Variants in TRPM3 observed in about 807,000 individuals in gnomAD.
TRPM3 encodes the protein transient receptor potential cation channel subfamily M member 3.
In TRPM3, 77 loss-of-function variants were observed where a neutral mutation model predicts 181.2. The observed-to-expected ratio is 0.42, with a 90% confidence interval of 0.35 to 0.51. TRPM3 has a LOEUF of 0.51. Among genes scored for constraint, TRPM3 ranks in the 20% least tolerant of loss-of-function variants. TRPM3 has a pLI of 0.01. For synonymous variants in TRPM3, 745 were observed against 796.4 expected (o/e 0.94, Z 1.09); for missense variants, 1,759 against 2,196.7 (o/e 0.80, Z 3.98).
intron 6 of TRPM3, among the ~76,000 whole-genome samples, chr9:70,794,511 C>T (rs1012426896): frequency 6.6e-6 from 1 of 152,086 alleles, no homozygotes; most frequent in Admixed American, 6.5e-5. Flanking sequence ...GGCTTTGCCC[C>T]TCACCACTCC....
At chr9:71,425,326 T>C (rs948942145) in intron 1 of TRPM3, among the ~76,000 whole-genome samples, 1 of 152,080 alleles carries the variant, frequency 6.6e-6, no homozygotes, top group Non-Finnish European at 1.5e-5. Context: ...GTTGCCACCA[T>C]CTCAAAATCA....
chr9:70,658,227 T>C (rs987206053), intron 9 of TRPM3, among the ~76,000 whole-genome samples: 1 of 152,320 alleles, frequency 6.6e-6, no homozygotes, highest in Admixed American at 6.5e-5. Context: ...CTGTTCTTTT[T>C]TGAAATCCTT....
chr9:71,333,968 C>T lies in TRPM3; in HGVS notation c.183+112685G>A, dbSNP rs141971069. On this transcript the variant is annotated intron_variant, in intron 1 of 24. Coordinates refer to the TRPM3 transcript ENST00000357533. ...CTGAAGGTTAAAGGGAATTGCAAAG[C>T]TCCAATTTTCCATTGGTATGCTAAT... Among the ~76,000 whole-genome samples the T allele has an allele frequency of 7.2e-4, 109 of 151,930 alleles. 1 individual carries two copies. The highest frequency in any genetic ancestry group is 2.6e-3 in the African/African-American group (108 of 41,442).
chr9:70,911,701 TA>T (rs1214751219), intron 1 of TRPM3, among the ~76,000 whole-genome samples: 1 of 152,204 alleles, frequency 6.6e-6, no homozygotes, highest in Non-Finnish European at 1.5e-5. Flanking sequence ...ACTCATTATC[TA>T]AAGGTCACCT....
intron 1 of TRPM3, among the ~76,000 whole-genome samples, chr9:71,394,925 T>C (rs2093154533): frequency 6.6e-6 from 1 of 152,320 alleles, no homozygotes; most frequent in Admixed American, 6.5e-5. Context: ...GTCCCAGACA[T>C]GGCTCCCAAC....
At chr9:71,171,100 C>A (rs1033798157) in intron 1 of TRPM3, among the ~76,000 whole-genome samples, 4 of 152,134 alleles carry the variant, frequency 2.6e-5, no homozygotes, top group Non-Finnish European at 5.9e-5. Context: ...TCTCCCATAG[C>A]GCTCCCAGGC....
At chr9:71,335,514 T>C (rs2090490084) in intron 1 of TRPM3, among the ~76,000 whole-genome samples, 2 of 152,142 alleles carry the variant, frequency 1.3e-5, no homozygotes, top group African/African-American at 2.4e-5. Context: ...CACTTTAAAC[T>C]TGAGCATCTC....
At chr9:70,918,627 G>T (rs2096625104) in intron 1 of TRPM3, among the ~76,000 whole-genome samples, 1 of 151,974 alleles carries the variant, frequency 6.6e-6, no homozygotes, top group Admixed American at 6.6e-5. Context: ...CAGTACTAAG[G>T]GGGAAATTTA....
intron 6 of TRPM3, among the ~76,000 whole-genome samples, chr9:70,798,781 G>A (rs1462282617): frequency 6.6e-6 from 1 of 152,174 alleles, no homozygotes; most frequent in African/African-American, 2.4e-5. Flanking sequence ...AACACTGTTG[G>A]AAGGTATCCT....
At chr9:70,911,176 T>G (rs1318369170) in intron 1 of TRPM3, among the ~76,000 whole-genome samples, 2 of 152,242 alleles carry the variant, frequency 1.3e-5, no homozygotes, top group African/African-American at 2.4e-5. Context: ...TTGTGACCAA[T>G]GAATCACATT....
intron 1 of TRPM3, among the ~76,000 whole-genome samples, chr9:71,133,528 A>AC (rs141090273): frequency 0.61 from 92,845 of 151,388 alleles, 29,067 homozygotes; most frequent in African/African-American, 0.75. Flanking sequence ...AGAACTCCCA[A>AC]CTTAGGTGAT....
At chr9:70,543,567 G>C (rs999745536) in intron 25 of TRPM3, among the ~76,000 whole-genome samples, 1 of 151,862 alleles carries the variant, frequency 6.6e-6, no homozygotes, top group African/African-American at 2.4e-5. Flanking sequence ...TTGATTTTTA[G>C]ATCCCACAAA....
At chr9:71,331,344 T>C (rs1421738903) in intron 1 of TRPM3, among the ~76,000 whole-genome samples, 2 of 151,864 alleles carry the variant, frequency 1.3e-5, no homozygotes, top group East Asian at 3.9e-4. Context: ...CACACATTAA[T>C]TTTGCCTCGT....
At chr9:70,601,215 T>G (rs973585902) in intron 20 of TRPM3, among the ~76,000 whole-genome samples, 1 of 152,138 alleles carries the variant, frequency 6.6e-6, no homozygotes, top group Admixed American at 6.5e-5. Flanking sequence ...CACAGAGTTG[T>G]CGGCGGGGGT....
intron 19 of TRPM3, among the ~76,000 whole-genome samples, chr9:70,608,092 T>C (rs886642061): frequency 2.0e-5 from 3 of 152,254 alleles, no homozygotes; most frequent in African/African-American, 7.2e-5. Flanking sequence ...AGGCAAACGC[T>C]GAGCTGTAAC....
intron 1 of TRPM3, among the ~76,000 whole-genome samples, chr9:70,954,127 C>G (rs1450841437): frequency 1.3e-5 from 2 of 152,128 alleles, no homozygotes; most frequent in African/African-American, 4.8e-5. Context: ...CAGAAGGAAA[C>G]CAAAGAGAAG....
At chr9:71,010,912 G>GACACACACACACACACACAT (rs1291159011) in intron 1 of TRPM3, among the ~76,000 whole-genome samples, 100 of 139,420 alleles carry the variant, frequency 7.2e-4, no homozygotes, top group Admixed American at 2.3e-3. Context: ...TAAAGAAAAT[G>GACACACACACACACACACAT]ACACACACAC....
At chr9:70,607,621 A>G (rs1267561884) in intron 19 of TRPM3, among the ~76,000 whole-genome samples, 1 of 152,184 alleles carries the variant, frequency 6.6e-6, no homozygotes, top group Non-Finnish European at 1.5e-5. Flanking sequence ...CAATCATAAG[A>G]TTCGCCTGGG....
At chr9:70,854,734 T>C (rs1220146252) in intron 3 of TRPM3, among the ~76,000 whole-genome samples, 1 of 152,158 alleles carries the variant, frequency 6.6e-6, no homozygotes, top group Non-Finnish European at 1.5e-5. Flanking sequence ...ACCTATCTCT[T>C]CTCTTTCTGT....
Sources: allele counts gnomAD v4.1 joint callset (sites outside exome capture counted in the v4.1 genomes callset), GRCh38; gene constraint gnomAD v4.1.1; transcripts MANE v1.5; gene names NCBI Gene and HGNC (gene_info 2026-07-23, HGNC 2026-07-21).